The following GPC6 variants were observed in gnomAD, a reference collection of about 807,000 sequenced individuals.
GPC6 encodes glypican-6.
Under a neutral mutation model 55.2 loss-of-function variants are expected in GPC6, and 14 were observed. The ratio of observed to expected loss-of-function variants is 0.25; its 90% CI spans 0.17 to 0.40. The LOEUF (loss-of-function observed/expected upper bound fraction) is 0.40. Ranked by LOEUF, GPC6 falls within the 10% of genes least tolerant of loss-of-function variation. GPC6 has a pLI of 1.00. For missense variants in GPC6, 641 were observed against 708.5 expected, an observed-to-expected ratio of 0.90 and a Z score of 1.08; for synonymous variants, 278 against 259.6, an observed-to-expected ratio of 1.07 and a Z score of -0.68.
At chr13:93,379,936 T>C (rs1229042425) in intron 1 of GPC6, among the ~76,000 whole-genome samples, 2 of 144,948 alleles carry the variant, frequency 1.4e-5, no homozygotes, top group African/African-American at 2.5e-5. Context: ...TATAGAATAG[T>C]TGAACAGCTT....
intron 1 of GPC6, among the ~76,000 whole-genome samples, chr13:93,499,942 G>C (rs776596752): frequency 6.6e-6 from 1 of 152,126 alleles, no homozygotes; most frequent in Non-Finnish European, 1.5e-5. Context: ...GGAGGCTTTT[G>C]CTTGTATCTT....
chr13:93,710,761 T>C (rs1265035190), intron 2 of GPC6, among the ~76,000 whole-genome samples: 1 of 150,360 alleles, frequency 6.7e-6, no homozygotes, highest in East Asian at 2.0e-4. Flanking sequence ...TTCTGAAGGG[T>C]TTGAACCATT....
At chr13:93,273,067 C>G (rs1377035372) in intron 1 of GPC6, among the ~76,000 whole-genome samples, 1 of 152,168 alleles carries the variant, frequency 6.6e-6, no homozygotes, top group Non-Finnish European at 1.5e-5. Flanking sequence ...GCCGAAATGA[C>G]CTGAAATGCA....
intron 4 of GPC6, among the ~76,000 whole-genome samples, chr13:94,136,219 CT>C (rs1023748014): frequency 6.9e-6 from 1 of 144,938 alleles, no homozygotes; most frequent in Admixed American, 6.9e-5. Context: ...TTTCACTTCA[CT>C]GGCAATCCTT....
At chr13:94,091,346 AAAC>A in intron 4 of GPC6, among the ~76,000 whole-genome samples, 1 of 7,564 alleles carries the variant, frequency 1.3e-4, no homozygotes, top group Non-Finnish European at 4.8e-4. Flanking sequence ...TAACTGAAAC[AAAC>A]AAAGAAAACT....
intron 4 of GPC6, among the ~76,000 whole-genome samples, chr13:94,145,228 T>C (rs1360504306): frequency 6.6e-6 from 1 of 152,104 alleles, no homozygotes; most frequent in Non-Finnish European, 1.5e-5. Context: ...CTTGGCCATT[T>C]ACCTAACATT....
intron 1 of GPC6, among the ~76,000 whole-genome samples, chr13:93,537,472 A>G (rs1486267970): frequency 6.6e-6 from 1 of 152,186 alleles, no homozygotes; most frequent in Non-Finnish European, 1.5e-5. Flanking sequence ...ATCAATTCCA[A>G]TAATAATTAG....
intron 1 of GPC6, among the ~76,000 whole-genome samples, chr13:93,322,703 G>A (rs1009514559): frequency 8.6e-5 from 13 of 152,002 alleles, no homozygotes; most frequent in South Asian, 2.1e-4. Flanking sequence ...GCCTCCCAAA[G>A]TGCTGGGATT....
chr13:93,889,503 T>A (rs1231355881), intron 3 of GPC6, among the ~76,000 whole-genome samples: 1 of 152,130 alleles, frequency 6.6e-6, no homozygotes, highest in Non-Finnish European at 1.5e-5. Flanking sequence ...ATGGTTATCA[T>A]CAAAGGAAGA....
chr13:94,024,993 G>C (rs1361048592), intron 3 of GPC6, among the ~76,000 whole-genome samples: 1 of 152,132 alleles, frequency 6.6e-6, no homozygotes, highest in Non-Finnish European at 1.5e-5. Context: ...CATAGCACAA[G>C]GTTATAAAAT....
chr13:93,690,521 T>A (rs1882221270), intron 2 of GPC6, among the ~76,000 whole-genome samples: 1 of 146,612 alleles, frequency 6.8e-6, no homozygotes, highest in East Asian at 2.1e-4. Flanking sequence ...GATTTTTTAA[T>A]TTTTTTTTTA....
chr13:94,382,493 G>A lies in GPC6; in HGVS notation c.1232G>A (p.Ser411Asn), dbSNP rs1484042107. The change falls in exon 7 of 9, where the codon AGC becomes AAC. Residue 411 changes from serine (S) to asparagine (N), a missense_variant. By Grantham distance (46) the Ser-to-Asn change is conservative. Transcript: ENST00000377047. Reference sequence around the variant, plus strand: ...CCCTACACTATCTGCAAGGACGAGAGCGTGACAGCGGGCACGTCCAACGAG... The same window carrying A: ...CCCTACACTATCTGCAAGGACGAGAACGTGACAGCGGGCACGTCCAACGAG... ...ALPYTICKDE[S>N]VTAGTSNEEE... 6.2e-7 allele frequency: 1 copy of A among 1,614,096 alleles called. No homozygotes were observed. The highest frequency in any genetic ancestry group is 1.3e-5 in the African/African-American group (1 of 74,934).
rs532979027 is a variant in GPC6, at chr13:93,415,629, T to C, written c.161-129634T>C. Among the ~76,000 whole-genome samples the C allele has an allele frequency of 6.6e-5, 10 of 152,286 alleles. No homozygotes were observed. The East Asian group carries it at 1.9e-3, about 29-fold the overall frequency. On this transcript the variant is annotated intron_variant, in intron 1 of 8. Transcript: ENST00000377047. ...GACTGCCTTCGAGAATACCATGCTT[T>C]CTAGCACCAATACAGTGTTTGTTGT... is the stretch of plus-strand genomic sequence containing the variant.
intron 2 of GPC6, among the ~76,000 whole-genome samples, chr13:93,765,145 T>C (rs2138882712): frequency 7.9e-6 from 1 of 127,222 alleles, no homozygotes; most frequent in African/African-American, 2.8e-5. Flanking sequence ...TATAGGTCCA[T>C]TTAGATATAC....
At chr13:93,659,325 G>A (rs1318105526) in intron 2 of GPC6, among the ~76,000 whole-genome samples, 1 of 151,864 alleles carries the variant, frequency 6.6e-6, no homozygotes, top group Non-Finnish European at 1.5e-5. Flanking sequence ...TTTACTTCCT[G>A]TGTTTCTCTC....
At chr13:93,486,975 A>C (rs1006109767) in intron 1 of GPC6, among the ~76,000 whole-genome samples, 1 of 151,714 alleles carries the variant, frequency 6.6e-6, no homozygotes, top group Admixed American at 6.6e-5. Context: ...ACCCCAAAAA[A>C]CACAAAAAAA....
chr13:94,335,813 C>T (rs1200836389), intron 6 of GPC6, among the ~76,000 whole-genome samples: 2 of 149,164 alleles, frequency 1.3e-5, no homozygotes, highest in African/African-American at 4.9e-5. Flanking sequence ...GGAGAACATC[C>T]ATGCCAAAAT....
chr13:94,235,648 C>A (rs1327540247), intron 4 of GPC6, among the ~76,000 whole-genome samples: 1 of 152,064 alleles, frequency 6.6e-6, no homozygotes, highest in African/African-American at 2.4e-5. Flanking sequence ...CACCAAGACT[C>A]AAAAACTTAA....
At chr13:94,262,468 T>A (rs2139051341) in intron 4 of GPC6, among the ~76,000 whole-genome samples, 1 of 151,738 alleles carries the variant, frequency 6.6e-6, no homozygotes, top group Non-Finnish European at 1.5e-5. Context: ...AGGCCAGGAG[T>A]TCGAGACCAG....
Sources: allele counts gnomAD v4.1 joint callset (sites outside exome capture counted in the v4.1 genomes callset), GRCh38; gene constraint gnomAD v4.1.1; transcripts MANE v1.5; gene names NCBI Gene and HGNC (gene_info 2026-07-23, HGNC 2026-07-21).